The following NBPF9 variants were observed in gnomAD, a reference collection of about 807,000 sequenced individuals.
NBPF9 encodes NBPF member 9, also known as NBPF family member NBPF9.
In NBPF9, 91 loss-of-function variants were observed where a neutral mutation model predicts 97.8. The ratio of observed to expected loss-of-function variants is 0.93; its 90% confidence interval spans 0.79 to 1.11. NBPF9 has a LOEUF of 1.11. Ranked by LOEUF, NBPF9 falls within the 50% of genes least tolerant of loss-of-function variation. The probability of loss-of-function intolerance (pLI) is 0.00; values close to 1 mark genes in which losing one functional copy is unlikely to be tolerated. For synonymous variants in NBPF9, 334 were observed against 359.5 expected, an observed-to-expected ratio of 0.93 and a Z score of 0.80; for missense variants, 992 against 939.5, an observed-to-expected ratio of 1.06 and a Z score of -0.73.
At chr1:149,087,499 T>C (rs2081108689) in intron 5 of NBPF9, among the ~76,000 whole-genome samples, 1 of 150,664 alleles carries the variant, frequency 6.6e-6, no homozygotes, top group South Asian at 2.1e-4. Context: ...TTGATTTTCA[T>C]AGCTGTAGAG....
chr1:149,084,636 C>G (rs1471823333), intron 5 of NBPF9, among the ~76,000 whole-genome samples: 1 of 151,122 alleles, frequency 6.6e-6, no homozygotes, highest in Non-Finnish European at 1.5e-5. Flanking sequence ...TCGTGGCGGA[C>G]GGGACCTGTT....
intron 9 of NBPF9, among the ~76,000 whole-genome samples, 169 bp downstream of exon 9, chr1:149,078,838 C>G (rs1318227707): frequency 6.6e-6 from 1 of 150,746 alleles, no homozygotes; most frequent in Non-Finnish European, 1.5e-5. Context: ...CCTCCAAACC[C>G]ATGGGTTTCC....
At chr1:149,056,067 C>A (rs1183249253) in intron 29 of NBPF9, among the ~76,000 whole-genome samples, 168 bp from the exon 30 acceptor site, 10 of 151,370 alleles carry the variant, frequency 6.6e-5, no homozygotes, top group Non-Finnish European at 1.3e-4. Context: ...TAGAACAGGG[C>A]CAGGTAGAAA....
exon 30 of NBPF9, chr1:149,055,711 A>C (rs587721783): frequency 6.2e-7 from 1 of 1,611,914 alleles, no homozygotes; most frequent in African/African-American, 1.3e-5. Context: ...TGTCACCGTC[A>C]AAGTAAAAAA....
intron 4 of NBPF9, chr1:149,092,825 G>C (rs1326096682): frequency 1.1e-6 from 1 of 870,198 alleles, no homozygotes; most frequent in Non-Finnish European, 1.4e-6. Flanking sequence ...CACTTGAGGA[G>C]TGTGGCTTTA....
intron 8 of NBPF9, among the ~76,000 whole-genome samples, 153 bp from the exon 9 acceptor site, chr1:149,079,374 G>C (rs2080203363): frequency 6.6e-6 from 1 of 151,766 alleles, no homozygotes; most frequent in Non-Finnish European, 1.5e-5. Flanking sequence ...CCAAGAGAAA[G>C]AATAGAAAAT....
At chr1:149,064,958 G>T (rs190009188) in intron 18 of NBPF9, 6 of 531,876 alleles carry the variant, frequency 1.1e-5, no homozygotes, top group Non-Finnish European at 1.7e-5. Flanking sequence ...TGGCTTTTGT[G>T]GGTGAAAAGT....
exon 30 of NBPF9, chr1:149,055,665 G>C: frequency 6.2e-7 from 1 of 1,611,888 alleles, no homozygotes; most frequent in South Asian, 1.1e-5. Context: ...CTTATTGTGG[G>C]AATATGACTT....
At chr1:149,071,032 C>G (rs782702430) in exon 16 of NBPF9, 127 of 1,611,470 alleles carry the variant, frequency 7.9e-5, no homozygotes, top group Non-Finnish European at 1.0e-4. Context: ...TTTGGTTTTC[C>G]TATGTGGCTG....
chr1:149,085,663 G>A (rs1182339789), intron 5 of NBPF9, among the ~76,000 whole-genome samples: 2 of 151,892 alleles, frequency 1.3e-5, no homozygotes, highest in Non-Finnish European at 2.9e-5. Flanking sequence ...TGTTAAGCAT[G>A]TAATGATTCT....
At chr1:149,080,533 G>A (rs1179042530) in intron 7 of NBPF9, among the ~76,000 whole-genome samples, 30 of 150,034 alleles carry the variant, frequency 2.0e-4, no homozygotes, top group African/African-American at 7.3e-4. Context: ...GTACAGTCGG[G>A]AAGGCCCCTA....
intron 29 of NBPF9, among the ~76,000 whole-genome samples, chr1:149,056,208 C>T (rs587696914): frequency 6.7e-6 from 1 of 149,692 alleles, no homozygotes; most frequent in African/African-American, 2.5e-5. Flanking sequence ...TCATGACACA[C>T]AGCAAACTGT....
chr1:149,062,162 C>A (rs781979785), exon 22 of NBPF9: 7 of 910,684 alleles, frequency 7.7e-6, no homozygotes, highest in Admixed American at 6.8e-5. Flanking sequence ...TAGGGCTGGC[C>A]TAAGTCAGGC....
exon 16 of NBPF9, chr1:149,071,032 C>T (rs782702430): frequency 2.5e-6 from 4 of 1,611,586 alleles, no homozygotes; most frequent in East Asian, 2.2e-5. Context: ...TTTGGTTTTC[C>T]TATGTGGCTG....
In NBPF9 at chr1:149,075,649, T is replaced by A. The variant is rs782815496; in HGVS notation, c.988+6A>T. 2 of 1,607,080 alleles carry A rather than the reference T, an allele frequency of 1.2e-6. No individual in the cohort carries two copies. The highest frequency in any genetic ancestry group is 1.7e-6 in the Non-Finnish European group (2 of 1,174,948). ...ACTTTCGTGATGGTGAGCCTATAGATCTTACTGTATTTGTTCTGCTGGTTG... is the reference window on the plus strand; with the variant it reads ...ACTTTCGTGATGGTGAGCCTATAGAACTTACTGTATTTGTTCTGCTGGTTG... On this transcript the variant is annotated splice_donor_region_variant and intron_variant, in intron 12 of 29. Coordinates refer to ENST00000584027, the Ensembl canonical transcript of NBPF9.
intron 12 of NBPF9, among the ~76,000 whole-genome samples, chr1:149,074,857 G>A (rs1409234044): frequency 6.6e-6 from 1 of 150,924 alleles, no homozygotes; most frequent in Admixed American, 6.6e-5. Context: ...TGTCGCCCAG[G>A]CTGGAGTGCA....
intron 2 of NBPF9, among the ~76,000 whole-genome samples, chr1:149,101,885 T>A (rs2082164775): frequency 6.7e-6 from 1 of 149,738 alleles, no homozygotes; most frequent in African/African-American, 2.4e-5. Flanking sequence ...TATTTCTTGA[T>A]CTGTGGTGGT....
chr1:149,101,795 T>G (rs1386723112), intron 2 of NBPF9, among the ~76,000 whole-genome samples: 2 of 152,126 alleles, frequency 1.3e-5, no homozygotes, highest in African/African-American at 4.8e-5. Context: ...CAACAGTATG[T>G]AATACTAAGT....
chr1:149,073,278 C>T (rs1177932801), intron 13 of NBPF9, among the ~76,000 whole-genome samples: 4 of 142,934 alleles, frequency 2.8e-5, no homozygotes, highest in African/African-American at 5.3e-5. Context: ...GTGCATCTTG[C>T]GGCCACTAGA....
Sources: allele counts gnomAD v4.1 joint callset (sites outside exome capture counted in the v4.1 genomes callset), GRCh38; gene constraint gnomAD v4.1.1; transcripts MANE v1.5; gene names NCBI Gene and HGNC (gene_info 2026-07-23, HGNC 2026-07-21).